Variants in LRMDA observed in about 807,000 individuals in gnomAD.
LRMDA encodes leucine-rich melanocyte differentiation-associated protein.
In LRMDA, 18 loss-of-function variants were observed where a neutral mutation model predicts 29.8. The observed-to-expected ratio is 0.60, with a 90% CI of 0.42 to 0.90. The LOEUF is 0.90. Ranked by LOEUF, LRMDA falls within the 40% of genes least tolerant of loss-of-function variation. The pLI, the probability that LRMDA is intolerant of heterozygous loss-of-function variation, is 0.00. For missense variants in LRMDA, 273 were observed against 273.9 expected (o/e 1.00, Z 0.02); for synonymous variants, 125 against 109.4 (o/e 1.14, Z -0.89).
At chr10:76,147,628 G>A (rs957376907) in intron 5 of LRMDA, among the ~76,000 whole-genome samples, 5 of 151,564 alleles carry the variant, frequency 3.3e-5, no homozygotes, top group African/African-American at 7.3e-5. Flanking sequence ...CTATTGGTTC[G>A]AATTTCCTCC....
chr10:75,731,282 A>G (rs1490992834), intron 2 of LRMDA, among the ~76,000 whole-genome samples: 5 of 152,242 alleles, frequency 3.3e-5, no homozygotes, highest in Admixed American at 2.6e-4. Context: ...TGCCTTTGAA[A>G]TGGAAATGCA....
At chr10:75,468,411 C>T (rs927136242) in intron 2 of LRMDA, among the ~76,000 whole-genome samples, 3 of 152,060 alleles carry the variant, frequency 2.0e-5, no homozygotes, top group Admixed American at 1.3e-4. Flanking sequence ...GACAGGGCAG[C>T]TATAGTATCT....
chr10:75,928,245 G>A (rs1846152942), intron 2 of LRMDA, among the ~76,000 whole-genome samples: 1 of 151,346 alleles, frequency 6.6e-6, no homozygotes, highest in South Asian at 2.1e-4. Flanking sequence ...GTGGGGTCTG[G>A]GAAGAGTGGC....
intron 2 of LRMDA, among the ~76,000 whole-genome samples, chr10:75,858,320 A>G (rs1183335849): frequency 1.3e-5 from 2 of 152,114 alleles, no homozygotes; most frequent in Admixed American, 6.5e-5. Context: ...GCTAAAATAT[A>G]TCCATATGTG....
chr10:75,669,080 A>G (rs1250454533), intron 2 of LRMDA, among the ~76,000 whole-genome samples: 3 of 152,226 alleles, frequency 2.0e-5, no homozygotes, highest in Non-Finnish European at 4.4e-5. Context: ...GTTGTCAGCT[A>G]CCAGCATTTT....
At chr10:76,459,779 TTTA>T (rs1842493612) in intron 6 of LRMDA, among the ~76,000 whole-genome samples, 1 of 152,038 alleles carries the variant, frequency 6.6e-6, no homozygotes, top group African/African-American at 2.4e-5. Flanking sequence ...TTTTTTTAAT[TTTA>T]TTATTATTAT....
intron 2 of LRMDA, among the ~76,000 whole-genome samples, chr10:75,515,572 G>C (rs748297488): frequency 5.3e-5 from 8 of 152,042 alleles, no homozygotes; most frequent in Non-Finnish European, 8.8e-5. Flanking sequence ...TAAAGACAGG[G>C]TCTTGCTATG....
intron 2 of LRMDA, among the ~76,000 whole-genome samples, chr10:75,807,434 T>C (rs1282484305): frequency 6.6e-6 from 1 of 152,210 alleles, no homozygotes; most frequent in Non-Finnish European, 1.5e-5. Flanking sequence ...ATTCAGTGCT[T>C]CCCCCAAGCA....
At chr10:75,516,391 G>A (rs528872899) in intron 2 of LRMDA, among the ~76,000 whole-genome samples, 18 of 152,210 alleles carry the variant, frequency 1.2e-4, no homozygotes, top group African/African-American at 3.6e-4. Flanking sequence ...TTTAATGATT[G>A]CATTGTAACT....
chr10:76,396,101 A>G (rs1264268090), intron 6 of LRMDA, among the ~76,000 whole-genome samples: 1 of 152,170 alleles, frequency 6.6e-6, no homozygotes. Flanking sequence ...ACCTATGGGC[A>G]TGTTTTGATT....
At chr10:75,968,906 A>G (rs1209504786) in intron 2 of LRMDA, among the ~76,000 whole-genome samples, 1 of 152,224 alleles carries the variant, frequency 6.6e-6, no homozygotes, top group East Asian at 1.9e-4. Flanking sequence ...TAAATTTGTA[A>G]TTAGGTGAGT....
intron 4 of LRMDA, among the ~76,000 whole-genome samples, chr10:76,054,250 C>T (rs1325911847): frequency 6.6e-6 from 1 of 152,150 alleles, no homozygotes; most frequent in Non-Finnish European, 1.5e-5. Flanking sequence ...GTCCCTCACA[C>T]CTCTCCAAGC....
At chr10:76,071,292 G>A (rs561996300) in intron 5 of LRMDA, among the ~76,000 whole-genome samples, 12 of 152,164 alleles carry the variant, frequency 7.9e-5, no homozygotes, top group Non-Finnish European at 1.5e-4. Context: ...CCAAGATTGA[G>A]ATATTGGCTC....
At chr10:76,076,206 G>T (rs1420799130) in intron 5 of LRMDA, among the ~76,000 whole-genome samples, 3 of 151,788 alleles carry the variant, frequency 2.0e-5, no homozygotes, top group African/African-American at 7.3e-5. Context: ...AGCTGGACGT[G>T]GTGGCGGGTG....
intron 6 of LRMDA, among the ~76,000 whole-genome samples, chr10:76,528,185 A>T (rs1282480211): frequency 1.3e-5 from 2 of 152,156 alleles, no homozygotes; most frequent in Non-Finnish European, 2.9e-5. Flanking sequence ...AGAATCCAAG[A>T]TGCATAAACA....
intron 6 of LRMDA, among the ~76,000 whole-genome samples, chr10:76,458,199 C>G (rs1842477581): frequency 6.6e-6 from 1 of 151,158 alleles, no homozygotes; most frequent in Admixed American, 6.6e-5. Flanking sequence ...GTCTGAGCAC[C>G]CATAGAGGGG....
At chr10:75,786,915 G>A (rs1843481086) in intron 2 of LRMDA, among the ~76,000 whole-genome samples, 1 of 152,202 alleles carries the variant, frequency 6.6e-6, no homozygotes, top group Admixed American at 6.5e-5. Flanking sequence ...AATCCTAAAT[G>A]GACTTGGCAG....
chr10:76,240,807 CATATATATGTAT>C (rs1439663053), intron 5 of LRMDA, among the ~76,000 whole-genome samples: 205 of 18,224 alleles, frequency 0.011, 3 homozygotes, highest in East Asian at 0.043. Flanking sequence ...GATAGATACA[CATATATATGTAT>C]ATATATACAC....
chr10:76,504,671 C>G (rs576410791), intron 6 of LRMDA, among the ~76,000 whole-genome samples: 3 of 152,024 alleles, frequency 2.0e-5, no homozygotes, highest in African/African-American at 7.2e-5. Flanking sequence ...GTAGATCCTG[C>G]TACTTTTAGC....
Sources: allele counts gnomAD v4.1 joint callset (sites outside exome capture counted in the v4.1 genomes callset), GRCh38; gene constraint gnomAD v4.1.1; transcripts MANE v1.5; gene names NCBI Gene and HGNC (gene_info 2026-07-23, HGNC 2026-07-21).